ACTN2: variants seen among roughly 807,000 people sequenced by gnomAD.
ACTN2 encodes the protein actinin alpha 2.
In ACTN2, 39 loss-of-function variants were observed where a neutral mutation model predicts 113.8. The observed-to-expected ratio is 0.34, with a 90% confidence interval of 0.27 to 0.45. ACTN2 has a LOEUF of 0.45. Among genes scored for constraint, ACTN2 ranks in the 20% least tolerant of loss-of-function variants. The pLI is 1.00. For synonymous variants in ACTN2, 429 were observed against 444.1 expected (o/e 0.97, Z 0.43); for missense variants, 992 against 1,177.9 (o/e 0.84, Z 2.31).
chr1:236,706,139 G>T (rs1657818203), intron 1 of ACTN2, among the ~76,000 whole-genome samples: 1 of 150,310 alleles, frequency 6.7e-6, no homozygotes, highest in African/African-American at 2.5e-5. Flanking sequence ...CAAGATTATA[G>T]AATCTTTCTT....
intron 1 of ACTN2, among the ~76,000 whole-genome samples, chr1:236,690,088 C>G (rs894618464): frequency 6.6e-6 from 1 of 152,152 alleles, no homozygotes; most frequent in Non-Finnish European, 1.5e-5. Flanking sequence ...TAAAGAAATT[C>G]AGATTCTTCT....
At chr1:236,725,463 A>G (rs1934689) in intron 4 of ACTN2, among the ~76,000 whole-genome samples, 6,206 of 152,128 alleles carry the variant, frequency 0.041, 362 homozygotes, top group African/African-American at 0.13. Context: ...TCCTGTCTCT[A>G]CTAAAAATAC....
chr1:236,720,651 T>G (rs548684955), intron 4 of ACTN2, among the ~76,000 whole-genome samples: 2 of 152,208 alleles, frequency 1.3e-5, no homozygotes, highest in Admixed American at 6.5e-5. Flanking sequence ...AAGACCTCTA[T>G]TGTCACTGTA....
chr1:236,745,095 G>A (rs1294874876), intron 12 of ACTN2, among the ~76,000 whole-genome samples: 1 of 152,162 alleles, frequency 6.6e-6, no homozygotes, highest in Non-Finnish European at 1.5e-5. Flanking sequence ...CCAGGTGCAA[G>A]AAGCAGAATA....
chr1:236,738,818 G>A (rs571513929), intron 9 of ACTN2, among the ~76,000 whole-genome samples: 72 of 152,306 alleles, frequency 4.7e-4, no homozygotes, highest in African/African-American at 1.7e-3. Flanking sequence ...CATTGAGTTA[G>A]GCCCAGGCTT....
In ACTN2 at chr1:236,763,033, AT is replaced by A. The variant is rs1187080790; in HGVS notation, c.*417del. On this transcript the variant is annotated 3_prime_UTR_variant, in exon 21 of 21. Coordinates refer to ENST00000366578, the MANE Select transcript of ACTN2 (RefSeq NM_001103.4). Reference sequence around the variant, plus strand: ...AATAAAGGTTTGCTATTTGTAAAAAATTTCATTTATCTCTAATATGCTTATG... The same window carrying A: ...AATAAAGGTTTGCTATTTGTAAAAAATTCATTTATCTCTAATATGCTTATG... 3.2e-6 allele frequency: 1 copy of A among 313,478 alleles called. No individual in the cohort carries two copies. Among genetic ancestry groups the A allele is most frequent in the African/African-American group, 2.2e-5 (1 of 45,750 alleles). 19.4% of individuals were successfully genotyped at this position (313,478 alleles called of 1,614,324 possible).
chr1:236,721,265 A>G (rs1658387920), intron 4 of ACTN2, among the ~76,000 whole-genome samples: 1 of 151,610 alleles, frequency 6.6e-6, no homozygotes. Flanking sequence ...TGAGCTCGTG[A>G]TCCGCCCGCC....
intron 1 of ACTN2, among the ~76,000 whole-genome samples, chr1:236,705,388 T>A (rs572583243): frequency 6.6e-6 from 1 of 152,160 alleles, no homozygotes; most frequent in Non-Finnish European, 1.5e-5. Flanking sequence ...TATTTAAACA[T>A]GTTCTTCAAC....
intron 1 of ACTN2, among the ~76,000 whole-genome samples, chr1:236,692,716 A>G (rs1048425314): frequency 6.6e-6 from 1 of 152,230 alleles, no homozygotes; most frequent in African/African-American, 2.4e-5. Context: ...TATTTGGGAC[A>G]CCGTGATGTG....
At chr1:236,717,552 A>G (rs1658258572) in intron 1 of ACTN2, among the ~76,000 whole-genome samples, 1 of 152,220 alleles carries the variant, frequency 6.6e-6, no homozygotes, top group Non-Finnish European at 1.5e-5. Context: ...TCTTTTCTAC[A>G]AAGTAAAAGG....
chr1:236,703,252 T>C (rs889104016), intron 1 of ACTN2, among the ~76,000 whole-genome samples: 2 of 152,112 alleles, frequency 1.3e-5, no homozygotes, highest in African/African-American at 2.4e-5. Context: ...AGCCTTAATA[T>C]GGTTACTTAC....
intron 1 of ACTN2, among the ~76,000 whole-genome samples, chr1:236,698,798 G>C (rs1417638571): frequency 1.8e-4 from 28 of 152,292 alleles, no homozygotes; most frequent in Middle Eastern, 3.4e-3. Context: ...TGCTGAAGAA[G>C]ACAGAGAAAC....
chr1:236,740,806 T>C (rs1449271433), intron 10 of ACTN2, among the ~76,000 whole-genome samples: 1 of 152,040 alleles, frequency 6.6e-6, no homozygotes. Context: ...GCTGGGATCA[T>C]TTTTATTTTT....
At chr1:236,731,988 G>A (rs1225761992) in intron 7 of ACTN2, among the ~76,000 whole-genome samples, 2 of 152,090 alleles carry the variant, frequency 1.3e-5, no homozygotes, top group East Asian at 3.8e-4. Flanking sequence ...GACACCATTC[G>A]TTCATTTTAT....
At chr1:236,721,033 T>TTTTTTTTTTTTTTG (rs1658378293) in intron 4 of ACTN2, among the ~76,000 whole-genome samples, 2 of 108,788 alleles carry the variant, frequency 1.8e-5, no homozygotes, top group African/African-American at 6.8e-5. Flanking sequence ...TTTTTTTTTT[T>TTTTTTTTTTTTTTG]TTTTTTTTTT....
At chr1:236,760,271 A>G (rs1057083751) in intron 19 of ACTN2, among the ~76,000 whole-genome samples, 1 of 152,116 alleles carries the variant, frequency 6.6e-6, no homozygotes, top group Non-Finnish European at 1.5e-5. Context: ...ACAGAACCAA[A>G]GCATTTATTT....
rs761364289 is a variant in ACTN2, at chr1:236,739,322, C to G, written c.897C>G (p.Arg299=). Residue 299 remains arginine, a synonymous_variant, in exon 10 of 21, where the codon CGC becomes CGG. Transcript: ENST00000366578. ...AGCAGCTTTTGGAATGGATTCGTCG[C>G]ACGATCCCCTGGCTGGAGAACCGGA... ...LASELLEWIR[R]TIPWLENRTP... is the part of the protein sequence containing the mutation. The G allele has an allele frequency of 6.2e-7, 1 of 1,613,900 alleles. No homozygotes were observed. The highest frequency in any genetic ancestry group is 1.7e-5 in the Admixed American group (1 of 59,994).
rs939144284 is a variant in ACTN2 at position 236,735,862 on chromosome 1, G to A, written c.783+142G>A. On this transcript the variant is annotated intron_variant, in intron 8 of 20. Transcript: ENST00000366578. ...GTTTTCTAATAACCTCATATGGCAA[G>A]TTCTAAACTGTGAAAACTTTTTTTT... 8 of 801,264 alleles carry A rather than the reference G, an allele frequency of 1.0e-5. No individual in the cohort carries two copies. In the African/African-American group the frequency reaches 1.4e-4, roughly 14 times the overall value. 49.6% of individuals were successfully genotyped at this position (801,264 alleles called of 1,614,324 possible).
At chr1:236,749,323 T>C in intron 14 of ACTN2, 59 bp downstream of exon 14, 1 of 1,604,514 alleles carries the variant, frequency 6.2e-7, no homozygotes. Flanking sequence ...CATTTAAACT[T>C]AAGAGTCCTG....
Sources: gnomAD v4.1 joint callset for allele counts (sites outside exome capture counted in the v4.1 genomes callset) on GRCh38, gnomAD v4.1.1 for gene constraint, MANE v1.5 for transcripts, NCBI Gene and HGNC (gene_info 2026-07-23, HGNC 2026-07-21) for gene names.